Variants in CDC42 observed in about 807,000 individuals in gnomAD.
The protein encoded by CDC42 is cell division control protein 42 homolog.
Under a neutral mutation model 20.8 loss-of-function variants are expected in CDC42, and 1 was observed. The ratio of observed to expected loss-of-function variants is 0.05; its 90% confidence interval spans 0.02 to 0.23. The LOEUF is 0.23. Among genes scored for constraint, CDC42 ranks in the 10% least tolerant of loss-of-function variants. CDC42 has a pLI of 1.00. For synonymous variants in CDC42, 72 were observed against 84.8 expected, an observed-to-expected ratio of 0.85 and a Z score of 0.83; for missense variants, 49 against 227.9, an observed-to-expected ratio of 0.21 and a Z score of 5.05.
At chr1:22,067,669 T>G (rs1645439909) in intron 1 of CDC42, among the ~76,000 whole-genome samples, 1 of 152,144 alleles carries the variant, frequency 6.6e-6, no homozygotes, top group Admixed American at 6.6e-5. Context: ...TTGCTGTGTC[T>G]TCTTGCATGG....
At chr1:22,083,025 A>G (rs1436253518) in intron 3 of CDC42, among the ~76,000 whole-genome samples, 1 of 151,868 alleles carries the variant, frequency 6.6e-6, no homozygotes, top group Non-Finnish European at 1.5e-5. Flanking sequence ...GATTACAGGC[A>G]TGCGCCACCA....
chr1:22,092,557 C>T lies in CDC42; in HGVS notation c.*1040C>T, dbSNP rs1267012449. 1 of 126,004 alleles carries T rather than the reference C, an allele frequency of 7.9e-6. No homozygotes were observed. Among genetic ancestry groups the T allele is most frequent in the Admixed American group, 1.0e-4 (1 of 9,662 alleles). 7.8% of individuals were successfully genotyped at this position (126,004 alleles called of 1,614,324 possible). ...ATCTGTGGAATGATTCACATCCTCT[C>T]AAGTTAGGAGGATGGAGGCCTGCTT... On this transcript the variant is annotated 3_prime_UTR_variant, in exon 6 of 6. Transcript: ENST00000656825.
Position 22,094,314 on chromosome 1 carries a change from T to C in CDC42, c.*2797T>C, listed in dbSNP as rs1645741808. Reference sequence around the variant, plus strand: ...AATAGATTTTTTTTTTTTTTTTTTTTTGAGACGGAGTCTCGCTCTGTCGCC... The same window carrying C: ...AATAGATTTTTTTTTTTTTTTTTTTCTGAGACGGAGTCTCGCTCTGTCGCC... On this transcript the variant is annotated 3_prime_UTR_variant, in exon 6 of 6. Transcript: ENST00000656825. Among the ~76,000 whole-genome samples the C allele has an allele frequency of 9.6e-6, 1 of 104,052 alleles. No homozygotes were observed. Among genetic ancestry groups the C allele is most frequent in the African/African-American group, 3.8e-5 (1 of 26,102 alleles). The allele number at this position is 104,052 out of a possible 152,430, so 68.3% of individuals were successfully genotyped here. A position where few individuals can be genotyped will look rare whatever the true frequency, so the allele number is the denominator to read the frequency against.
chr1:22,085,244 A>AAAAAAAAG lies in CDC42; in HGVS notation c.179-1191_179-1190insAAAGAAAA, dbSNP rs373016657. Among the ~76,000 whole-genome samples the AAAAAAAAG allele has an allele frequency of 1.8e-3, 240 of 135,928 alleles. 3 individuals are homozygous for AAAAAAAAG. Among genetic ancestry groups the AAAAAAAAG allele is most frequent in the African/African-American group, 5.8e-3 (211 of 36,088 alleles). 89.2% of individuals were successfully genotyped at this position (135,928 alleles called of 152,430 possible). A position where few individuals can be genotyped will look rare whatever the true frequency, so the allele number is the denominator to read the frequency against. On this transcript the variant is annotated intron_variant, in intron 3 of 5. Coordinates refer to ENST00000656825, the MANE Select transcript of CDC42 (RefSeq NM_001791.4). Reference sequence around the variant, plus strand: ...GAGACTCTGTCTAAAAAAAAAAAAAAAAAAGAAAAATCATTTGCCCACATA... The same window carrying AAAAAAAAG: ...GAGACTCTGTCTAAAAAAAAAAAAAAAAAAAAAGAAAAGAAAAATCATTTGCCCACATA...
intron 1 of CDC42, among the ~76,000 whole-genome samples, chr1:22,061,092 C>T (rs1215332091): frequency 2.0e-5 from 3 of 152,168 alleles, no homozygotes; most frequent in African/African-American, 7.2e-5. Context: ...AAGACATTTC[C>T]ATGGGCTTGG....
At chr1:22,074,580 A>C (rs1645527826) in intron 1 of CDC42, among the ~76,000 whole-genome samples, 1 of 152,016 alleles carries the variant, frequency 6.6e-6, no homozygotes. Flanking sequence ...CATTAAGAAA[A>C]AAAATTAAGA....
chr1:22,053,121 C>T (rs1462252199), intron 1 of CDC42, among the ~76,000 whole-genome samples: 3 of 151,370 alleles, frequency 2.0e-5, no homozygotes, highest in African/African-American at 7.3e-5. Flanking sequence ...CTAAGGGCGG[C>T]CGGGGGCCTC....
intron 1 of CDC42, among the ~76,000 whole-genome samples, chr1:22,078,093 A>C (rs1343013870): frequency 6.6e-6 from 1 of 152,238 alleles, no homozygotes; most frequent in Admixed American, 6.5e-5. Context: ...ACTGAAGAAC[A>C]GCTTTCACAA....
chr1:22,071,141 T>G (rs1255491944), intron 1 of CDC42, among the ~76,000 whole-genome samples: 3 of 146,760 alleles, frequency 2.0e-5, no homozygotes, highest in Admixed American at 7.1e-5. Context: ...CCTCACGGGT[T>G]CACGCCATTC....
intron 1 of CDC42, among the ~76,000 whole-genome samples, chr1:22,066,291 C>T (rs1284439986): frequency 6.6e-6 from 1 of 151,956 alleles, no homozygotes; most frequent in African/African-American, 2.4e-5. Flanking sequence ...AGGAGAATCG[C>T]TTGAGCGTGG....
intron 2 of CDC42, 30 bp downstream of exon 2, chr1:22,078,613 A>G: frequency 6.4e-7 from 1 of 1,571,124 alleles, no homozygotes. Flanking sequence ...TCTGTTAGTA[A>G]AATGTTGTAA....
At chr1:22,081,694 TA>T in intron 2 of CDC42, 27 bp from the exon 3 acceptor site, 1 of 1,452,070 alleles carries the variant, frequency 6.9e-7, no homozygotes. Context: ...CCTTGCACAC[TA>T]ACAGTGTTGT....
At chr1:22,081,272 C>T (rs1645604817) in intron 2 of CDC42, among the ~76,000 whole-genome samples, 2 of 152,090 alleles carry the variant, frequency 1.3e-5, no homozygotes, top group African/African-American at 4.8e-5. Flanking sequence ...TATAACAAGG[C>T]TCATCTTTTC....
chr1:22,069,746 C>T (rs1645463982), intron 1 of CDC42, among the ~76,000 whole-genome samples: 1 of 150,946 alleles, frequency 6.6e-6, no homozygotes, highest in Admixed American at 6.6e-5. Flanking sequence ...GGATTACAGG[C>T]GTGAGCCGCC....
intron 5 of CDC42, among the ~76,000 whole-genome samples, chr1:22,089,512 C>G (rs1478653073): frequency 6.6e-6 from 1 of 152,146 alleles, no homozygotes; most frequent in Admixed American, 6.5e-5. Flanking sequence ...TTTTAAATGT[C>G]TGAACCTTTC....
intron 1 of CDC42, among the ~76,000 whole-genome samples, chr1:22,061,223 A>G (rs1645359314): frequency 6.6e-6 from 1 of 152,094 alleles, no homozygotes; most frequent in South Asian, 2.1e-4. Flanking sequence ...CCTGGCCAAC[A>G]TGGTGAAACC....
chr1:22,068,033 G>A (rs1473931172), intron 1 of CDC42, among the ~76,000 whole-genome samples: 1 of 152,074 alleles, frequency 6.6e-6, no homozygotes, highest in Admixed American at 6.5e-5. Flanking sequence ...AGTGAGCTGT[G>A]ATTGAGCCAC....
intron 2 of CDC42, chr1:22,078,886 CTTT>C (rs34952712): frequency 0.011 from 11,064 of 979,428 alleles, no homozygotes; most frequent in East Asian, 0.02. Flanking sequence ...AATGAGGTGA[CTTT>C]TTTTTTTTTT....
In CDC42 at chr1:22,076,751, T is replaced by TA. The variant is rs746401322; in HGVS notation, c.-50-1676dup. 2.6e-5 allele frequency among the ~76,000 whole-genome samples: 4 copies of TA among 152,172 alleles called. No individual in the cohort carries two copies. In the South Asian group the frequency reaches 8.3e-4, roughly 31 times the overall value. ...GATTGATCTTAGGGATCAGGGTTGTTAATCTTTAATGCTGTATTAGTTAGT... is the reference window on the plus strand; with the variant it reads ...GATTGATCTTAGGGATCAGGGTTGTTAAATCTTTAATGCTGTATTAGTTAGT... On this transcript the variant is annotated intron_variant, in intron 1 of 5. Transcript: ENST00000656825.
Sources: allele counts gnomAD v4.1 joint callset (sites outside exome capture counted in the v4.1 genomes callset), GRCh38; gene constraint gnomAD v4.1.1; transcripts MANE v1.5; gene names NCBI Gene and HGNC (gene_info 2026-07-23, HGNC 2026-07-21).